The following LRRK1 variants were observed in gnomAD, a reference collection of about 807,000 sequenced individuals.
LRRK1 encodes leucine rich repeat kinase 1.
In LRRK1, 113 loss-of-function variants were observed where a neutral mutation model predicts 209.1. The ratio of observed to expected loss-of-function variants is 0.54; its 90% confidence interval spans 0.46 to 0.63. The LOEUF is 0.63. LRRK1 is among the 30% of genes least tolerant of loss of function. The pLI is 0.00. For missense variants in LRRK1, 2,284 were observed against 2,632.2 expected (o/e 0.87, Z 2.89); for synonymous variants, 1,144 against 1,099.7 (o/e 1.04, Z -0.80).
chr15:101,058,331 T>A (rs553439610), intron 29 of LRRK1, among the ~76,000 whole-genome samples, 190 bp downstream of exon 29: 1 of 152,216 alleles, frequency 6.6e-6, no homozygotes, highest in East Asian at 1.9e-4. Context: ...GACGTGCATG[T>A]ATGGTTTTGT....
chr15:100,984,630 G>A (rs1303265532), intron 4 of LRRK1, among the ~76,000 whole-genome samples: 1 of 152,070 alleles, frequency 6.6e-6, no homozygotes, highest in Non-Finnish European at 1.5e-5. Context: ...ATGCATTTAA[G>A]GTTTCTCCAT....
rs757519760 is a variant in LRRK1 at position 100,988,758 on chromosome 15, G to A, written c.558G>A (p.Arg186=). ...CTGACCCGGAGAGCTACGCTGTCAG[G>A]AAGAATGAGTTCCCTGTCATCGTGC... ...HGADPESYAV[R]KNEFPVIVRL... Residue 186 remains arginine, a synonymous_variant, in exon 5 of 34, where the codon AGG becomes AGA. Coordinates refer to ENST00000388948, the MANE Select transcript of LRRK1 (RefSeq NM_024652.6). 6.2e-7 allele frequency: 1 copy of A among 1,613,352 alleles called. No individual in the cohort carries two copies. Among genetic ancestry groups the A allele is most frequent in the South Asian group, 1.1e-5 (1 of 91,056 alleles).
chr15:101,053,264 A>C lies in LRRK1; in HGVS notation c.3898A>C (p.Asn1300His). The C allele has an allele frequency of 6.2e-7, 1 of 1,606,926 alleles. No homozygotes were observed. The highest frequency in any genetic ancestry group is 8.5e-7 in the Non-Finnish European group (1 of 1,179,954). ...CCTGCGGGCCACCGATGCCATGAAG[A>C]ACTTCTCCGAGTTCCGGCAGGAGGC... is the stretch of plus-strand genomic sequence containing the variant. The part of the protein sequence containing the change: ...RHLRATDAMK[N>H]FSEFRQEASM... Residue 1300 changes from asparagine (N) to histidine (H), a missense_variant, in exon 26 of 34, where the codon AAC becomes CAC. By Grantham distance (68) the Asn-to-His change is moderately conservative. Coordinates refer to ENST00000388948, the MANE Select transcript of LRRK1 (RefSeq NM_024652.6).
chr15:100,996,913 A>T (rs1485240263), intron 6 of LRRK1, among the ~76,000 whole-genome samples: 1 of 152,234 alleles, frequency 6.6e-6, no homozygotes, highest in African/African-American at 2.4e-5. Context: ...AGAAAAGAAT[A>T]AGAAAGAGAA....
intron 7 of LRRK1, 63 bp downstream of exon 7, chr15:101,009,126 C>A: frequency 1.6e-6 from 2 of 1,281,328 alleles, no homozygotes; most frequent in Non-Finnish European, 2.2e-6. Context: ...TGCTCCTGCA[C>A]ATGCTCCCGG....
At chr15:101,019,027 C>T (rs753450260) in intron 12 of LRRK1, among the ~76,000 whole-genome samples, 3 of 152,150 alleles carry the variant, frequency 2.0e-5, no homozygotes, top group Non-Finnish European at 4.4e-5. Context: ...GCCGTTTTTA[C>T]GGTAAAAATC....
intron 2 of LRRK1, among the ~76,000 whole-genome samples, chr15:100,958,140 A>G (rs1265638659): frequency 6.6e-6 from 1 of 151,700 alleles, no homozygotes; most frequent in Admixed American, 6.6e-5. Context: ...ACAGGCATGA[A>G]CCCCCACACC....
intron 10 of LRRK1, 44 bp downstream of exon 10, chr15:101,012,189 GA>G: frequency 6.5e-7 from 1 of 1,537,400 alleles, no homozygotes; most frequent in Non-Finnish European, 8.8e-7. Flanking sequence ...GCTTTTGAGA[GA>G]AAATTGCTCC....
At chr15:101,010,598 G>A in intron 8 of LRRK1, 21 bp downstream of exon 8, 1 of 1,606,756 alleles carries the variant, frequency 6.2e-7, no homozygotes, top group Non-Finnish European at 8.5e-7. Context: ...TCATCAACTT[G>A]AGTGAATTAG....
chr15:101,007,144 C>T (rs1001721564), intron 6 of LRRK1, among the ~76,000 whole-genome samples: 2 of 152,220 alleles, frequency 1.3e-5, no homozygotes, highest in East Asian at 1.9e-4. Context: ...CGCTCATCGC[C>T]ATCTGGTGGC....
In LRRK1 at chr15:101,052,479, C is replaced by T. The variant is rs142163271; in HGVS notation, c.3690-443C>T. 4.5e-3 allele frequency among the ~76,000 whole-genome samples: 679 copies of T among 152,088 alleles called. 1 individual carries two copies. The highest frequency in any genetic ancestry group is 7.1e-3 in the Non-Finnish European group (483 of 67,998). Reference sequence around the variant, plus strand: ...TTACCTTCTTTGTCAAACGCTGACTCCTGTCTGTAGCCCTAGCGCTGAGCC... The same window carrying T: ...TTACCTTCTTTGTCAAACGCTGACTTCTGTCTGTAGCCCTAGCGCTGAGCC... On this transcript the variant is annotated intron_variant, in intron 24 of 33. Coordinates refer to ENST00000388948, the MANE Select transcript of LRRK1 (RefSeq NM_024652.6).
chr15:101,003,904 G>A (rs144199066), intron 6 of LRRK1, among the ~76,000 whole-genome samples: 64 of 152,240 alleles, frequency 4.2e-4, no homozygotes, highest in Non-Finnish European at 7.6e-4. Context: ...AGGCGGGGGA[G>A]GTCTGCAGCC....
At chr15:100,961,459 A>C (rs8030831) in intron 2 of LRRK1, among the ~76,000 whole-genome samples, 33,680 of 151,796 alleles carry the variant, frequency 0.22, 4,027 homozygotes, top group East Asian at 0.5. Flanking sequence ...TCAAGACCAT[A>C]CTGGCCAACA....
At chr15:101,040,701 G>C (rs189378394) in intron 20 of LRRK1, among the ~76,000 whole-genome samples, 363 of 152,082 alleles carry the variant, frequency 2.4e-3, no homozygotes, top group African/African-American at 7.9e-3. Flanking sequence ...AACTAATTTT[G>C]CTATGTTGTG....
In LRRK1 at chr15:101,048,500, G is replaced by C; in HGVS notation, c.3142G>C (p.Glu1048Gln). 1 of 1,600,752 alleles carries C rather than the reference G, an allele frequency of 6.2e-7. No individual in the cohort carries two copies. Among genetic ancestry groups the C allele is most frequent in the South Asian group, 1.1e-5 (1 of 88,566 alleles). The change falls in exon 22 of 34, where the codon GAA becomes CAA. Residue 1048 changes from glutamate (E) to glutamine (Q), a missense_variant. Coordinates refer to ENST00000388948, the MANE Select transcript of LRRK1 (RefSeq NM_024652.6). ...TCTTTTCTCTGTCTTTCAGCTTTTTGAAAACAAGAAGAATACTAAAAGCAG... is the reference window on the plus strand; with the variant it reads ...TCTTTTCTCTGTCTTTCAGCTTTTTCAAAACAAGAAGAATACTAAAAGCAG... ...SLAEMDLQLF[E>Q]NKKNTKSRNR...
At chr15:101,067,125 C>T (rs2036575372) in intron 33 of LRRK1, 1 of 397,054 alleles carries the variant, frequency 2.5e-6, no homozygotes, top group Non-Finnish European at 5.1e-6. Flanking sequence ...ACACAGCACC[C>T]TATGGGGACA....
chr15:100,959,592 T>G (rs2042833468), intron 2 of LRRK1, among the ~76,000 whole-genome samples: 1 of 152,142 alleles, frequency 6.6e-6, no homozygotes, highest in Non-Finnish European at 1.5e-5. Context: ...GAGAGTGCAG[T>G]CTGGCAGCCT....
chr15:100,929,029 G>A (rs547198374), intron 2 of LRRK1, among the ~76,000 whole-genome samples: 173 of 152,326 alleles, frequency 1.1e-3, no homozygotes, highest in African/African-American at 3.8e-3. Context: ...CTGTCAATGA[G>A]ATGCTGGGCA....
intron 2 of LRRK1, among the ~76,000 whole-genome samples, chr15:100,959,640 C>T (rs2042834173): frequency 6.6e-6 from 1 of 152,208 alleles, no homozygotes; most frequent in Admixed American, 6.5e-5. Context: ...GGCCAGGCCT[C>T]CTGGAAATCA....
Sources: gnomAD v4.1 joint callset for allele counts (sites outside exome capture counted in the v4.1 genomes callset) on GRCh38, gnomAD v4.1.1 for gene constraint, MANE v1.5 for transcripts, NCBI Gene and HGNC (gene_info 2026-07-23, HGNC 2026-07-21) for gene names.